The following ABCB6 variants were observed in gnomAD, a reference collection of about 807,000 sequenced individuals.
ABCB6 encodes the protein ATP binding cassette subfamily B member 6 (LAN blood group), also known as ATP-binding cassette sub-family B member 6.
A neutral mutation model predicts 99.4 loss-of-function variants in ABCB6; 87 were observed. That is an observed-to-expected ratio of 0.88 (90% CI 0.74 to 1.05). The LOEUF is 1.05. ABCB6 is among the 50% of genes least tolerant of loss of function. The probability of loss-of-function intolerance (pLI) is 0.00; values close to 1 mark genes in which losing one functional copy is unlikely to be tolerated. For synonymous variants in ABCB6, 482 were observed against 447.5 expected, an observed-to-expected ratio of 1.08 and a Z score of -0.97; for missense variants, 1,050 against 1,097.9, an observed-to-expected ratio of 0.96 and a Z score of 0.62.
intron 14 of ABCB6, among the ~76,000 whole-genome samples, chr2:219,212,112 G>C (rs963519781): frequency 1.3e-5 from 2 of 152,044 alleles, no homozygotes; most frequent in African/African-American, 4.8e-5. Flanking sequence ...GCCCAGGCTG[G>C]TCTTGAACTC....
Position 219,216,768 on chromosome 2 carries a change from C to A in ABCB6, c.752G>T (p.Gly251Val). 1.9e-6 allele frequency: 3 copies of A among 1,612,152 alleles called. No individual in the cohort carries two copies. Among genetic ancestry groups the A allele is most frequent in the South Asian group, 1.1e-5 (1 of 90,728 alleles). Residue 251 changes from glycine to valine, a missense_variant, in exon 3 of 19, where the codon GGC becomes GTC. Gly to Val is a moderately radical substitution (Grantham distance 109). Transcript: ENST00000265316. The surrounding 1 kb of genome is among the most constrained non-coding windows in gnomAD (Gnocchi z 4.2). ...DFGRKLRLLS[G>V]YLWPRGSPAL... ...TGGACTCCCTCGAGGCCACAGGTAG[C>A]CACTCAGGAGGCGGAGCTTCCTGCC...
chr2:219,209,960 T>A lies in ABCB6; in HGVS notation c.2507A>T (p.Lys836Met). The stretch of plus-strand genomic sequence containing the variant: ...TTGTCACCGTTCCATGGTCTGAGGC[T>A]TAGTGTCTTCAGAGGTTTCTTCCTG... Reference protein sequence around the residue: ...QGQEETSEDTKPQTMER With the variant: ...QGQEETSEDTMPQTMER Residue 836 changes from lysine to methionine, a missense_variant, in exon 19 of 19, where the codon AAG (lysine) becomes ATG (methionine). Physicochemically the swap from Lys to Met is moderately conservative, Grantham distance 95. Coordinates refer to ENST00000265316, the MANE Select transcript of ABCB6 (RefSeq NM_005689.4). 1 of 1,614,170 alleles carries A rather than the reference T, an allele frequency of 6.2e-7. No homozygotes were observed. Among genetic ancestry groups the A allele is most frequent in the Non-Finnish European group, 8.5e-7 (1 of 1,179,998 alleles).
intron 13 of ABCB6, 132 bp from the exon 14 acceptor site, chr2:219,212,623 A>C (rs1449638641): frequency 1.4e-6 from 1 of 695,886 alleles, no homozygotes; most frequent in Non-Finnish European, 2.5e-6. Context: ...CCCAGGTTCA[A>C]GCGATTCTCT....
chr2:219,214,374 C>T lies in ABCB6; in HGVS notation c.1386+15G>A, dbSNP rs73077018. 2,754 of 1,605,978 alleles carry T rather than the reference C, an allele frequency of 1.7e-3. 39 individuals carry two copies. The African/African-American group carries it at 0.03, about 18-fold the overall frequency. On this transcript the variant is annotated intron_variant, in intron 7 of 18. Transcript: ENST00000265316. ...TCTCCACGCCTCACACCACTGCCAC[C>T]GGGCCCTCTGTTACCGTCTCGAAGT...
chr2:219,214,349 T>G, intron 7 of ABCB6, 40 bp downstream of exon 7: 2 of 1,558,368 alleles, frequency 1.3e-6, no homozygotes, highest in Non-Finnish European at 1.8e-6. Context: ...CTCCTCCACA[T>G]CTCCACGCCT....
In ABCB6 at chr2:219,210,312, GA is replaced by G. The variant is rs1309965232; in HGVS notation, c.2352-15del. On this transcript the variant is annotated splice_polypyrimidine_tract_variant and intron_variant, in intron 17 of 18. Coordinates refer to ENST00000265316, the MANE Select transcript of ABCB6 (RefSeq NM_005689.4). ...ACAGTTGAGAGCCTGAGAAGTCAAA[GA>G]TCAGTCGCCTACTACCCCACCCAAA... 2.5e-6 allele frequency: 4 copies of G among 1,614,218 alleles called. No homozygotes were observed. The East Asian group carries it at 8.9e-5, about 36-fold the overall frequency.
intron 5 of ABCB6, chr2:219,215,298 G>A (rs376703332): frequency 1.8e-6 from 1 of 547,410 alleles, no homozygotes; most frequent in African/African-American, 1.9e-5. Context: ...CTTCAGGCAT[G>A]GAAGAAAAAT....
rs757181643 is a variant in ABCB6, at chr2:219,213,488, T to C, written c.1670A>G (p.Asn557Ser). 3.7e-6 allele frequency: 6 copies of C among 1,614,086 alleles called. No individual in the cohort carries two copies. Among genetic ancestry groups the C allele is most frequent in the East Asian group, 4.5e-5 (2 of 44,900 alleles). Residue 557 changes from asparagine (N) to serine (S), a missense_variant, in exon 11 of 19, where the codon AAC (asparagine) becomes AGC (serine). By Grantham distance (46) the Asn-to-Ser change is conservative. Transcript: ENST00000265316. ...AAACATGTTCTCCATGTCAATGAAGTTGGTCTGGATCATCCTGCAAAAAGG... is the reference window on the plus strand; with the variant it reads ...AAACATGTTCTCCATGTCAATGAAGCTGGTCTGGATCATCCTGCAAAAAGG... ...FGTYYRMIQT[N>S]FIDMENMFDL...
In ABCB6 at chr2:219,214,118, C is replaced by T; in HGVS notation, c.1452+3G>A. Reference sequence around the variant, plus strand: ...TCCGGAGGCCTCAAACTAGCATCCTCACCTGATATTTGATGATGGCCTCTC... The same window carrying T: ...TCCGGAGGCCTCAAACTAGCATCCTTACCTGATATTTGATGATGGCCTCTC... On this transcript the variant is annotated splice_donor_region_variant and intron_variant, in intron 8 of 18. Coordinates refer to ENST00000265316, the MANE Select transcript of ABCB6 (RefSeq NM_005689.4). 6.2e-7 allele frequency: 1 copy of T among 1,614,194 alleles called. No homozygotes were observed. Among genetic ancestry groups the T allele is most frequent in the South Asian group, 1.1e-5 (1 of 91,084 alleles).
intron 7 of ABCB6, 41 bp downstream of exon 7, chr2:219,214,348 A>T: frequency 6.4e-7 from 1 of 1,559,490 alleles, no homozygotes; most frequent in Non-Finnish European, 8.8e-7. Flanking sequence ...ACTCCTCCAC[A>T]TCTCCACGCC....
Position 219,216,025 on chromosome 2 carries a change from C to T in ABCB6, c.1126G>A (p.Gly376Ser), listed in dbSNP as rs1214039038. 6.3e-7 allele frequency: 1 copy of T among 1,599,036 alleles called. No individual in the cohort carries two copies. Among genetic ancestry groups the T allele is most frequent in the Admixed American group, 1.7e-5 (1 of 59,298 alleles). The change falls in exon 5 of 19, where the codon GGC (glycine) becomes AGC (serine). Residue 376 changes from glycine to serine, a missense_variant. Physicochemically the swap from Gly to Ser is moderately conservative, Grantham distance 56 (BLOSUM62 0). Transcript: ENST00000265316. The surrounding 1 kb of genome is among the most constrained non-coding windows in gnomAD (Gnocchi z 4.2). Reference sequence around the variant, plus strand: ...AGCAGCCCTGTGACACTGGATGTGCCCCGATCCGCGATCCGCAGCACCTCC... The same window carrying T: ...AGCAGCCCTGTGACACTGGATGTGCTCCGATCCGCGATCCGCAGCACCTCC... The part of the protein sequence containing the change: ...TGEVLRIADR[G>S]TSSVTGLLSY...
intron 6 of ABCB6, chr2:219,214,751 G>C (rs116326916): frequency 4.6e-6 from 3 of 645,890 alleles, no homozygotes; most frequent in Admixed American, 5.9e-5. Context: ...CAGACTTAAC[G>C]TGACAAGAAT....
intron 12 of ABCB6, 66 bp downstream of exon 12, chr2:219,213,175 A>G: frequency 1.2e-6 from 2 of 1,606,406 alleles, no homozygotes; most frequent in East Asian, 2.2e-5. Context: ...GATTCAGAGC[A>G]CTGAGAAGCA....
Position 219,213,684 on chromosome 2 carries a change from G to C in ABCB6, c.1579-18C>G. On this transcript the variant is annotated intron_variant, in intron 9 of 18. Transcript: ENST00000265316. ...TCCCCAACCTGTGGCAATCAAGGAAGCAGAGCATGTCACGGGGGGCCTGCA... is the reference window on the plus strand; with the variant it reads ...TCCCCAACCTGTGGCAATCAAGGAACCAGAGCATGTCACGGGGGGCCTGCA... 6.2e-7 allele frequency: 1 copy of C among 1,614,076 alleles called. No homozygotes were observed. The highest frequency in any genetic ancestry group is 8.5e-7 in the Non-Finnish European group (1 of 1,179,998).
At position 219,216,418 on chromosome 2, in the gene ABCB6, C is replaced by T. The variant is rs553860284; in HGVS notation, c.916G>A (p.Val306Ile). The change falls in exon 4 of 19, where the codon GTT (valine) becomes ATT (isoleucine). Residue 306 changes from valine (V) to isoleucine (I), a missense_variant. Coordinates refer to ENST00000265316, the MANE Select transcript of ABCB6 (RefSeq NM_005689.4). The surrounding 1 kb of genome is among the most constrained non-coding windows in gnomAD (Gnocchi z 4.2). ...AACTTGAGGAAGACGTAACTGGTAA[C>T]AGTCCAGGCCAGAGAGTTCCAAGGT... ...KAPWNSLAWTVTSYVFLKFLQ... is the reference protein window; with the variant it reads ...KAPWNSLAWTITSYVFLKFLQ... 1.9e-4 allele frequency: 299 copies of T among 1,614,068 alleles called. 7 individuals are homozygous for T. The South Asian group carries it at 3.2e-3, about 17-fold the overall frequency.
chr2:219,216,182 T>G lies in ABCB6; in HGVS notation c.971-2A>C. On this transcript the variant is annotated splice_acceptor_variant, in intron 4 of 18. Transcript: ENST00000265316. LOFTEE classifies it high-confidence loss of function. The surrounding 1 kb of genome is among the most constrained non-coding windows in gnomAD (Gnocchi z 4.2). ...AGGTGCGCAGGTTGCTCACGAAGCC[T>G]GCAGGGAGCCGGGGGACGCCTCAGT... The G allele has an allele frequency of 6.3e-7, 1 of 1,586,444 alleles. No homozygotes were observed. Among genetic ancestry groups the G allele is most frequent in the Non-Finnish European group, 8.6e-7 (1 of 1,163,216 alleles).
intron 14 of ABCB6, among the ~76,000 whole-genome samples, chr2:219,211,621 C>CTTTTTTTTTT (rs34408255): frequency 1.1e-5 from 1 of 87,856 alleles, no homozygotes. Flanking sequence ...ATCGTTGTAC[C>CTTTTTTTTTT]TTTTTTTTTT....
In ABCB6 at chr2:219,210,691, G is replaced by C. The variant is rs1389646155; in HGVS notation, c.2256+20C>G. On this transcript the variant is annotated intron_variant, in intron 16 of 18. Transcript: ENST00000265316. ...GAGCATACACAAGGCAGGAAGGAGG[G>C]GAGGAGACCCAGGGCGCACCTCATC... is the stretch of plus-strand genomic sequence containing the variant. 1 of 1,613,164 alleles carries C rather than the reference G, an allele frequency of 6.2e-7. No homozygotes were observed. The highest frequency in any genetic ancestry group is 1.3e-5 in the African/African-American group (1 of 74,916).
In ABCB6 at chr2:219,213,285, CTTCTGAAAG is replaced by C; in HGVS notation, c.1752_1760del (p.Phe585_Lys587del). On this transcript the variant is annotated inframe_deletion, in exon 12 of 19. Coordinates refer to ENST00000265316, the MANE Select transcript of ABCB6 (RefSeq NM_005689.4). ...GCACGTTCTCAAACTCAATACGGCC[CTTCTGAAAG>C]CGAAGGGGCCCTGCTCCAGGAAGGT... 1 of 1,614,152 alleles carries C rather than the reference CTTCTGAAAG, an allele frequency of 6.2e-7. No homozygotes were observed. Among genetic ancestry groups the C allele is most frequent in the Non-Finnish European group, 8.5e-7 (1 of 1,180,040 alleles).
Sources: allele counts gnomAD v4.1 joint callset (sites outside exome capture counted in the v4.1 genomes callset), GRCh38; gene constraint gnomAD v4.1.1; non-coding constraint Gnocchi (gnomAD v3.1); transcripts MANE v1.5; gene names NCBI Gene and HGNC (gene_info 2026-07-23, HGNC 2026-07-21).